CD84: variants seen among roughly 807,000 people sequenced by gnomAD.
The protein encoded by CD84 is CD84 molecule, also known as SLAM family member 5.
Under a neutral mutation model 33.8 loss-of-function variants are expected in CD84, and 22 were observed. The ratio of observed to expected loss-of-function variants is 0.65; its 90% CI spans 0.46 to 0.93. The LOEUF is 0.93. Ranked by LOEUF, CD84 falls within the 40% of genes least tolerant of loss-of-function variation. The pLI is 0.00. For synonymous variants in CD84, 154 were observed against 145.2 expected (o/e 1.06, Z -0.44); for missense variants, 400 against 397.6 (o/e 1.01, Z -0.05).
intron 2 of CD84, among the ~76,000 whole-genome samples, chr1:160,563,418 A>C (rs1217633636): frequency 6.6e-6 from 1 of 152,208 alleles, no homozygotes; most frequent in East Asian, 1.9e-4. Context: ...ATGCAGCCAT[A>C]AAAAGGAACA....
intron 2 of CD84, among the ~76,000 whole-genome samples, chr1:160,562,059 T>C (rs1657006536): frequency 6.6e-6 from 1 of 152,050 alleles, no homozygotes; most frequent in Admixed American, 6.6e-5. Flanking sequence ...TACAAACCAC[T>C]GCTCAAAGAA....
intron 2 of CD84, among the ~76,000 whole-genome samples, chr1:160,563,055 C>T (rs541839646): frequency 5.9e-5 from 9 of 152,040 alleles, no homozygotes; most frequent in Non-Finnish European, 1.2e-4. Context: ...ATCTCCTGCC[C>T]GTCAGAATGG....
At chr1:160,570,119 T>C (rs1485321447) in intron 1 of CD84, among the ~76,000 whole-genome samples, 1 of 152,134 alleles carries the variant, frequency 6.6e-6, no homozygotes, top group Non-Finnish European at 1.5e-5. Flanking sequence ...GATTTGATGA[T>C]AACACAAAGA....
intron 1 of CD84, among the ~76,000 whole-genome samples, chr1:160,570,640 C>T (rs906950588): frequency 2.0e-5 from 3 of 152,088 alleles, no homozygotes; most frequent in African/African-American, 7.2e-5. Context: ...GCAGGTGGAT[C>T]GCTTGAGTCC....
At chr1:160,571,181 G>A (rs968411854) in intron 1 of CD84, 1 of 152,048 alleles carries the variant, frequency 6.6e-6, no homozygotes, top group African/African-American at 2.4e-5. Flanking sequence ...GAAATCCAGC[G>A]GGTTTAGAGA....
chr1:160,562,363 G>A (rs1349334479), intron 2 of CD84, among the ~76,000 whole-genome samples: 3 of 152,018 alleles, frequency 2.0e-5, no homozygotes, highest in African/African-American at 7.2e-5. Flanking sequence ...GCACGGCACT[G>A]GTACAAAAAC....
At position 160,555,402 on chromosome 1, in the gene CD84, T is replaced by G. The variant is rs1413480985; in HGVS notation, c.389-1256A>C. 2.6e-5 allele frequency among the ~76,000 whole-genome samples: 4 copies of G among 152,320 alleles called. No homozygotes were observed. The South Asian group carries it at 6.2e-4, about 24-fold the overall frequency. ...CCAGCCAAAATAATCTTTAAAATTT[T>G]TTTTCATTCTGTTTTCTGGTGTATG... On this transcript the variant is annotated intron_variant, in intron 2 of 6. Coordinates refer to ENST00000368054, the MANE Select transcript of CD84 (RefSeq NM_003874.4).
At chr1:160,576,737 T>C (rs1658012290) in intron 1 of CD84, among the ~76,000 whole-genome samples, 1 of 152,216 alleles carries the variant, frequency 6.6e-6, no homozygotes, top group South Asian at 2.1e-4. Flanking sequence ...TGTGTATCAA[T>C]GCTTTCATCT....
At position 160,545,226 on chromosome 1, in the gene CD84, G is replaced by C. The variant is rs1655757155; in HGVS notation, c.*3030C>G. The C allele has an allele frequency of 1.3e-5, 2 of 152,206 alleles. No individual in the cohort carries two copies. The highest frequency in any genetic ancestry group is 2.4e-5 in the African/African-American group (1 of 41,452). The allele number at this position is 152,206 out of a possible 1,614,324, so 9.4% of individuals were successfully genotyped here. Reference sequence around the variant, plus strand: ...GTTTGCTCTTCTGGAAGACCTAACAGATCTAACCTGCTTCTGATTTTTATT... The same window carrying C: ...GTTTGCTCTTCTGGAAGACCTAACACATCTAACCTGCTTCTGATTTTTATT... On this transcript the variant is annotated 3_prime_UTR_variant, in exon 7 of 7. Transcript: ENST00000368054.
At chr1:160,559,086 A>G (rs1400607943) in intron 2 of CD84, among the ~76,000 whole-genome samples, 2 of 152,242 alleles carry the variant, frequency 1.3e-5, no homozygotes, top group East Asian at 3.8e-4. Context: ...GAACTTCCCC[A>G]GCCTAGCAAG....
chr1:160,576,461 G>A (rs892521834), intron 1 of CD84, among the ~76,000 whole-genome samples: 1 of 152,108 alleles, frequency 6.6e-6, no homozygotes, highest in African/African-American at 2.4e-5. Context: ...TCCGTTATTG[G>A]CAAGGACCTG....
chr1:160,568,072 GGCCCTAGT>G (rs1204932317), intron 1 of CD84, among the ~76,000 whole-genome samples: 2 of 152,142 alleles, frequency 1.3e-5, no homozygotes, highest in Non-Finnish European at 2.9e-5. Context: ...TTTGAAGTCA[GGCCCTAGT>G]GCTTAATTGC....
At position 160,554,094 on chromosome 1, in the gene CD84, G is replaced by A; in HGVS notation, c.441C>T (p.Ser147=). The change falls in exon 3 of 7, where the codon AGC becomes AGT. Residue 147 remains serine (S), a synonymous_variant. Transcript: ENST00000368054. ...ITQSLMASVN[S]TCNVTLTCSV... ...AGCATGTCAGTGTGACATTACAGGT[G>A]CTGTTCACAGATGCCATTAAACTCT... 6.2e-7 allele frequency: 1 copy of A among 1,614,118 alleles called. No individual in the cohort carries two copies. The highest frequency in any genetic ancestry group is 8.5e-7 in the Non-Finnish European group (1 of 1,180,024).
chr1:160,549,452 A>G (rs1291914693), intron 6 of CD84, among the ~76,000 whole-genome samples: 3 of 152,058 alleles, frequency 2.0e-5, no homozygotes, highest in Non-Finnish European at 4.4e-5. Context: ...GGCACTTGGC[A>G]CTACAAATGG....
chr1:160,552,535 G>A (rs1365791424), intron 4 of CD84, among the ~76,000 whole-genome samples: 1 of 152,176 alleles, frequency 6.6e-6, no homozygotes, highest in Admixed American at 6.5e-5. Context: ...TTTTACAACT[G>A]AGAAAATGGA....
At chr1:160,569,610 T>G (rs1657568530) in intron 1 of CD84, among the ~76,000 whole-genome samples, 1 of 151,676 alleles carries the variant, frequency 6.6e-6, no homozygotes, top group African/African-American at 2.4e-5. Context: ...TAAATTCAAG[T>G]GAATGGTAGA....
intron 1 of CD84, among the ~76,000 whole-genome samples, chr1:160,572,838 C>T (rs939782861): frequency 7.9e-5 from 12 of 152,132 alleles, no homozygotes; most frequent in Admixed American, 3.3e-4. Context: ...GATGGAAAAA[C>T]CTGTTCACTG....
At chr1:160,565,341 T>C in intron 2 of CD84, 63 bp downstream of exon 2, 3 of 1,288,734 alleles carry the variant, frequency 2.3e-6, no homozygotes, top group Admixed American at 4.5e-5. Flanking sequence ...TGTAGATGTG[T>C]TTCAGATAGC....
intron 2 of CD84, among the ~76,000 whole-genome samples, chr1:160,563,778 G>T (rs1657145726): frequency 1.3e-5 from 2 of 152,174 alleles, no homozygotes; most frequent in South Asian, 4.1e-4. Context: ...AAATTATTGA[G>T]ATATTTTATA....
Sources: allele counts gnomAD v4.1 joint callset (sites outside exome capture counted in the v4.1 genomes callset), GRCh38; gene constraint gnomAD v4.1.1; transcripts MANE v1.5; gene names NCBI Gene and HGNC (gene_info 2026-07-23, HGNC 2026-07-21).